Variants in USP43 observed in about 807,000 individuals in gnomAD.
USP43 encodes ubiquitin carboxyl-terminal hydrolase 43.
USP43 carries 33 observed loss-of-function variants against 90.7 expected under a neutral mutation model. The ratio of observed to expected loss-of-function variants is 0.36; its 90% CI spans 0.28 to 0.49. USP43 has a LOEUF of 0.49. Ranked by LOEUF, USP43 falls within the 20% of genes least tolerant of loss-of-function variation. The pLI, the probability that USP43 is intolerant of heterozygous loss-of-function variation, is 0.98. For synonymous variants in USP43, 598 were observed against 615.8 expected, an observed-to-expected ratio of 0.97 and a Z score of 0.43; for missense variants, 1,274 against 1,476.4, an observed-to-expected ratio of 0.86 and a Z score of 2.25.
intron 2 of USP43, among the ~76,000 whole-genome samples, chr17:9,663,076 C>G (rs1435579034): frequency 3.3e-5 from 5 of 151,958 alleles, no homozygotes; most frequent in Admixed American, 2.6e-4. Flanking sequence ...CCTCGGCTTC[C>G]CAAAGTGCTG....
At chr17:9,663,983 T>C (rs1912828364) in intron 2 of USP43, among the ~76,000 whole-genome samples, 1 of 152,132 alleles carries the variant, frequency 6.6e-6, no homozygotes, top group Non-Finnish European at 1.5e-5. Flanking sequence ...TAGTCTCTGT[T>C]AGGACATAGA....
chr17:9,696,342 C>T (rs879513677), intron 9 of USP43, among the ~76,000 whole-genome samples: 2 of 152,070 alleles, frequency 1.3e-5, no homozygotes, highest in Non-Finnish European at 2.9e-5. Flanking sequence ...CCGTGTTGCC[C>T]AGGCTGGTTG....
At chr17:9,725,755 T>C (rs564673524) in intron 14 of USP43, among the ~76,000 whole-genome samples, 1 of 152,294 alleles carries the variant, frequency 6.6e-6, no homozygotes, top group East Asian at 1.9e-4. Context: ...GAAGAACTGC[T>C]ATTTCGGGCA....
chr17:9,667,198 C>CA (rs111395068), intron 3 of USP43, among the ~76,000 whole-genome samples: 14 of 146,798 alleles, frequency 9.5e-5, no homozygotes, highest in South Asian at 2.1e-4. Flanking sequence ...CCATCTGTAC[C>CA]AAAAAAAACC....
At chr17:9,647,151 A>C (rs1159534876) in intron 1 of USP43, 1 of 151,852 alleles carries the variant, frequency 6.6e-6, no homozygotes, top group Non-Finnish European at 1.5e-5. Context: ...CCTACAGACT[A>C]GTGATTGTTG....
At chr17:9,719,833 G>A (rs1340074616) in intron 14 of USP43, among the ~76,000 whole-genome samples, 7 of 152,206 alleles carry the variant, frequency 4.6e-5, no homozygotes, top group Admixed American at 1.3e-4. Context: ...TTGGGAGGCC[G>A]AGGCAGGTGG....
chr17:9,646,674 T>C (rs1420263826), intron 1 of USP43, among the ~76,000 whole-genome samples: 1 of 152,040 alleles, frequency 6.6e-6, no homozygotes, highest in Non-Finnish European at 1.5e-5. Flanking sequence ...AGCAGTGGCG[T>C]TGGAGCTTAG....
intron 14 of USP43, among the ~76,000 whole-genome samples, chr17:9,717,663 C>T (rs1916667959): frequency 6.6e-6 from 1 of 151,952 alleles, no homozygotes; most frequent in Admixed American, 6.6e-5. Context: ...TGCACGGTCT[C>T]AGTGTGAGTG....
At chr17:9,680,507 TGCA>T in intron 6 of USP43, 141 bp downstream of exon 6, 1 of 951,164 alleles carries the variant, frequency 1.1e-6, no homozygotes, top group Non-Finnish European at 1.5e-6. Context: ...ATTCGTTGTG[TGCA>T]GATGGTTGAT....
At chr17:9,715,117 C>T (rs747903863) in intron 14 of USP43, among the ~76,000 whole-genome samples, 4 of 152,164 alleles carry the variant, frequency 2.6e-5, no homozygotes, top group Non-Finnish European at 5.9e-5. Flanking sequence ...ATCAGGTCTA[C>T]AGGGAGATGT....
chr17:9,725,027 T>TA (rs1165806050), intron 14 of USP43, among the ~76,000 whole-genome samples: 3 of 151,682 alleles, frequency 2.0e-5, no homozygotes, highest in South Asian at 2.1e-4. Flanking sequence ...TGGCCAAAAA[T>TA]AAAAAAGTCA....
rs1917237860 is a variant in USP43, at chr17:9,725,780, T to TC, written c.2336-2173dup. 2.6e-5 allele frequency among the ~76,000 whole-genome samples: 4 copies of TC among 152,144 alleles called. No homozygotes were observed. In the South Asian group the frequency reaches 8.3e-4, roughly 31 times the overall value. On this transcript the variant is annotated intron_variant, in intron 14 of 14. Coordinates refer to ENST00000285199, the MANE Select transcript of USP43 (RefSeq NM_153210.5). The stretch of plus-strand genomic sequence containing the variant: ...TATTTCGGGCAGCTGCCAACTCCTC[T>TC]CGCCACCTGCCGGGGCTCCAGGCAA...
intron 14 of USP43, among the ~76,000 whole-genome samples, chr17:9,726,191 G>A (rs932197903): frequency 3.9e-5 from 6 of 152,098 alleles, no homozygotes; most frequent in African/African-American, 1.4e-4. Flanking sequence ...TGGTCGATGT[G>A]CACTTTGCCT....
chr17:9,685,096 A>G (rs1258493373), intron 7 of USP43, among the ~76,000 whole-genome samples: 2 of 152,232 alleles, frequency 1.3e-5, no homozygotes, highest in African/African-American at 2.4e-5. Flanking sequence ...CTCACAGTAC[A>G]GGATGGATTA....
Position 9,692,988 on chromosome 17 carries a change from A to C in USP43, c.1354-139A>C, listed in dbSNP as rs979854562. On this transcript the variant is annotated intron_variant, in intron 8 of 14. Transcript: ENST00000285199. ...TGAAGTTTTTGTCTCTTAATTTTGA[A>C]TTCTAATTATTACGGGAATATTCAA... is the stretch of plus-strand genomic sequence containing the variant. The C allele has an allele frequency of 4.2e-6, 3 of 719,952 alleles. No individual in the cohort carries two copies. The African/African-American group carries it at 5.4e-5, about 13-fold the overall frequency. 44.6% of individuals were successfully genotyped at this position (719,952 alleles called of 1,614,324 possible).
chr17:9,648,938 C>CCTCTCT (rs112759856), intron 1 of USP43, among the ~76,000 whole-genome samples: 1 of 129,810 alleles, frequency 7.7e-6, no homozygotes, highest in African/African-American at 3.2e-5. Context: ...TGTCTCTCTC[C>CCTCTCT]CTCTCTCTCT....
At chr17:9,654,400 A>G (rs1454187325) in intron 1 of USP43, among the ~76,000 whole-genome samples, 1 of 152,128 alleles carries the variant, frequency 6.6e-6, no homozygotes, top group African/African-American at 2.4e-5. Flanking sequence ...ACTCAGAGCC[A>G]CACTTGGGGA....
chr17:9,664,395 G>A (rs936896984), intron 2 of USP43, among the ~76,000 whole-genome samples: 7 of 152,008 alleles, frequency 4.6e-5, no homozygotes, highest in African/African-American at 7.2e-5. Flanking sequence ...TGGTTCTGTC[G>A]TCTGCTTTCT....
rs550921360 is a variant in USP43, at chr17:9,710,848, A to C, written c.2170+734A>C. Reference sequence around the variant, plus strand: ...ACTTGCTTGGAAGTCTAGAGAAAGAAAGTGCCAAAGCTGACCCTTTCACGT... The same window carrying C: ...ACTTGCTTGGAAGTCTAGAGAAAGACAGTGCCAAAGCTGACCCTTTCACGT... On this transcript the variant is annotated intron_variant, in intron 13 of 14. Coordinates refer to ENST00000285199, the MANE Select transcript of USP43 (RefSeq NM_153210.5). Among the ~76,000 whole-genome samples, 285 of 152,130 alleles carry C rather than the reference A, an allele frequency of 1.9e-3. 10 individuals are homozygous for C. The South Asian group carries it at 0.056, about 30-fold the overall frequency.
Sources: allele counts gnomAD v4.1 joint callset (sites outside exome capture counted in the v4.1 genomes callset), GRCh38; gene constraint gnomAD v4.1.1; transcripts MANE v1.5; gene names NCBI Gene and HGNC (gene_info 2026-07-23, HGNC 2026-07-21).